GAP43: variants seen among roughly 807,000 people sequenced by gnomAD.
GAP43 encodes neuromodulin.
In GAP43, 6 loss-of-function variants were observed where a neutral mutation model predicts 18.6. The observed-to-expected ratio is 0.32, with a 90% CI of 0.18 to 0.64. The LOEUF (loss-of-function observed/expected upper bound fraction) is 0.64, where lower values mean the gene tolerates loss of function less well. Ranked by LOEUF, GAP43 falls within the 30% of genes least tolerant of loss-of-function variation. The pLI is 0.78. For synonymous variants in GAP43, 115 were observed against 111.4 expected (o/e 1.03, Z -0.20); for missense variants, 292 against 295.5 (o/e 0.99, Z 0.09).
intron 1 of GAP43, among the ~76,000 whole-genome samples, chr3:115,637,102 G>T (rs1392920683): frequency 6.6e-6 from 1 of 152,020 alleles, no homozygotes; most frequent in Non-Finnish European, 1.5e-5. Context: ...ATTTGTGAGG[G>T]CTTTCCTGAC....
intron 1 of GAP43, among the ~76,000 whole-genome samples, chr3:115,670,354 C>T (rs1328020379): frequency 6.6e-6 from 1 of 151,452 alleles, no homozygotes; most frequent in African/African-American, 2.4e-5. Flanking sequence ...GCATAGTATT[C>T]CATGGTGTAT....
intron 1 of GAP43, among the ~76,000 whole-genome samples, chr3:115,639,890 A>G (rs973578035): frequency 6.6e-6 from 1 of 152,086 alleles, no homozygotes; most frequent in Non-Finnish European, 1.5e-5. Flanking sequence ...CCTTTGCAAG[A>G]ATATTTAAGA....
At chr3:115,711,981 A>T (rs1709445732) in intron 2 of GAP43, among the ~76,000 whole-genome samples, 1 of 152,186 alleles carries the variant, frequency 6.6e-6, no homozygotes, top group African/African-American at 2.4e-5. Context: ...AAGCCATGTA[A>T]ATTATAATTA....
chr3:115,720,925 T>C lies in GAP43; in HGVS notation c.*43T>C. On this transcript the variant is annotated 3_prime_UTR_variant, in exon 3 of 3. Coordinates refer to ENST00000305124, the MANE Select transcript of GAP43 (RefSeq NM_002045.4). ...TCCACATCCCCACCCTCCCCTCTCCTGAGCCTGTCTCTCCCTACCCTCTTC... is the reference window on the plus strand; with the variant it reads ...TCCACATCCCCACCCTCCCCTCTCCCGAGCCTGTCTCTCCCTACCCTCTTC... 1 of 1,351,014 alleles carries C rather than the reference T, an allele frequency of 7.4e-7. No homozygotes were observed. Among genetic ancestry groups the C allele is most frequent in the East Asian group, 2.3e-5 (1 of 43,100 alleles). The allele number at this position is 1,351,014 out of a possible 1,614,324, so 83.7% of individuals were successfully genotyped here.
At chr3:115,719,841 A>G (rs1169068199) in intron 2 of GAP43, among the ~76,000 whole-genome samples, 2 of 152,204 alleles carry the variant, frequency 1.3e-5, no homozygotes, top group Non-Finnish European at 2.9e-5. Flanking sequence ...TGGCAACACA[A>G]GTTGTTTCAG....
chr3:115,657,351 C>T (rs1057505790), intron 1 of GAP43, among the ~76,000 whole-genome samples: 1 of 152,162 alleles, frequency 6.6e-6, no homozygotes, highest in Non-Finnish European at 1.5e-5. Context: ...AGATTTTGTT[C>T]AACTACCCAT....
At chr3:115,702,328 G>C (rs890909094) in intron 2 of GAP43, among the ~76,000 whole-genome samples, 1 of 152,070 alleles carries the variant, frequency 6.6e-6, no homozygotes, top group Admixed American at 6.6e-5. Flanking sequence ...CAGGATTGAA[G>C]TCATTAGAGG....
chr3:115,634,826 C>A (rs4468973), intron 1 of GAP43, among the ~76,000 whole-genome samples: 1 of 151,926 alleles, frequency 6.6e-6, no homozygotes, highest in African/African-American at 2.4e-5. Context: ...AAATAATTAA[C>A]TTGCAGTTAG....
At chr3:115,717,305 A>G (rs1021064306) in intron 2 of GAP43, among the ~76,000 whole-genome samples, 7 of 117,290 alleles carry the variant, frequency 6.0e-5, no homozygotes, top group Admixed American at 3.3e-4. Context: ...ATATTTATAA[A>G]TTTTATTGTC....
intron 2 of GAP43, among the ~76,000 whole-genome samples, chr3:115,705,136 C>T (rs549991409): frequency 9.2e-5 from 14 of 152,252 alleles, no homozygotes; most frequent in South Asian, 2.1e-4. Flanking sequence ...TGCCGAACCA[C>T]GGCAAGGCAT....
intron 2 of GAP43, among the ~76,000 whole-genome samples, chr3:115,713,671 T>C (rs1345021857): frequency 1.3e-5 from 2 of 152,222 alleles, no homozygotes; most frequent in African/African-American, 2.4e-5. Flanking sequence ...CAAACTCTAT[T>C]TTAGCAAGAA....
chr3:115,720,819 G>A lies in GAP43; in HGVS notation c.654G>A (p.Lys218=). 6.2e-7 allele frequency: 1 copy of A among 1,612,964 alleles called. No homozygotes were observed. Among genetic ancestry groups the A allele is most frequent in the Middle Eastern group, 1.7e-4 (1 of 6,048 alleles). Residue 218 remains lysine (K), a synonymous_variant, in exon 3 of 3, where the codon AAG becomes AAA. Transcript: ENST00000305124. ...AAGCTGTAGATGAAACCAAACCTAAGGAAAGTGCCCGGCAGGACGAGGGTA... is the reference window on the plus strand; with the variant it reads ...AAGCTGTAGATGAAACCAAACCTAAAGAAAGTGCCCGGCAGGACGAGGGTA... ...NIEAVDETKP[K]ESARQDEGKE... is the part of the protein sequence containing the mutation.
At chr3:115,656,073 G>T (rs1474357982) in intron 1 of GAP43, among the ~76,000 whole-genome samples, 1 of 152,096 alleles carries the variant, frequency 6.6e-6, no homozygotes, top group Admixed American at 6.5e-5. Flanking sequence ...AAACACAGGG[G>T]GTGATGAGGT....
At chr3:115,663,950 T>C in intron 1 of GAP43, 1 of 1,545,286 alleles carries the variant, frequency 6.5e-7, no homozygotes, top group Non-Finnish European at 8.8e-7. Flanking sequence ...TATACAAGTA[T>C]TTTAGGTTAA....
chr3:115,642,051 AG>A (rs1708404284), intron 1 of GAP43, among the ~76,000 whole-genome samples: 1 of 152,156 alleles, frequency 6.6e-6, no homozygotes, highest in South Asian at 2.1e-4. Flanking sequence ...TCAACTCGAA[AG>A]GGCTAAGATG....
intron 2 of GAP43, among the ~76,000 whole-genome samples, chr3:115,703,932 AAATACT>A (rs1169098094): frequency 5.9e-5 from 9 of 152,108 alleles, no homozygotes; most frequent in South Asian, 2.1e-4. Flanking sequence ...AAATCAGTAC[AAATACT>A]AATATCACTT....
In GAP43 at chr3:115,716,714, ACAAATATATATATATATATATATATAT is replaced by A. The variant is rs1709507320; in HGVS notation, c.629-4079_629-4053del. On this transcript the variant is annotated intron_variant, in intron 2 of 2. Coordinates refer to ENST00000305124, the MANE Select transcript of GAP43 (RefSeq NM_002045.4). ...AAGTAAAAAATTACTTTAATCTCAG[ACAAATATATATATATATATATATATAT>A]ATATATATATATATATATATATATA... is the stretch of plus-strand genomic sequence containing the variant. 2.2e-3 allele frequency among the ~76,000 whole-genome samples: 142 copies of A among 64,028 alleles called. 3 individuals are homozygous for A. The highest frequency in any genetic ancestry group is 4.8e-3 in the Admixed American group (23 of 4,784). The allele number at this position is 64,028 out of a possible 152,430, so 42.0% of individuals were successfully genotyped here.
Position 115,676,210 on chromosome 3 carries a change from T to A in GAP43, c.228T>A (p.Asp76Glu). 6.2e-7 allele frequency: 1 copy of A among 1,614,024 alleles called. No individual in the cohort carries two copies. Among genetic ancestry groups the A allele is most frequent in the Non-Finnish European group, 8.5e-7 (1 of 1,179,986 alleles). The change falls in exon 2 of 3, where the codon GAT (aspartate) becomes GAA (glutamate). Residue 76 changes from aspartate (D) to glutamate (E), a missense_variant. By Grantham distance (45) the Asp-to-Glu change is conservative (BLOSUM62 2). Coordinates refer to ENST00000305124, the MANE Select transcript of GAP43 (RefSeq NM_002045.4). ...ANKKDEAPVA[D>E]GVEKKGEGTT... is the part of the protein sequence containing the mutation. ...AGAAGGATGAAGCCCCTGTTGCCGA[T>A]GGGGTGGAGAAGAAGGGAGAAGGCA...
chr3:115,663,464 C>A, intron 1 of GAP43: 1 of 1,043,206 alleles, frequency 9.6e-7, no homozygotes, highest in Non-Finnish European at 1.2e-6. Context: ...CCTCTCCCTC[C>A]CTCTTCTCCC....
Sources: gnomAD v4.1 joint callset for allele counts (sites outside exome capture counted in the v4.1 genomes callset) on GRCh38, gnomAD v4.1.1 for gene constraint, MANE v1.5 for transcripts, NCBI Gene and HGNC (gene_info 2026-07-23, HGNC 2026-07-21) for gene names.